Variants in BRCA2 observed in about 807,000 individuals in gnomAD.
BRCA2 encodes breast cancer type 2 susceptibility protein.
In BRCA2, 203 loss-of-function variants were observed where a neutral mutation model predicts 276.7. The ratio of observed to expected loss-of-function variants is 0.73; its 90% confidence interval spans 0.65 to 0.82. The LOEUF is 0.82. BRCA2 is among the 40% of genes least tolerant of loss of function. The probability of loss-of-function intolerance (pLI) is 0.00; values close to 1 mark genes in which losing one functional copy is unlikely to be tolerated. For synonymous variants in BRCA2, 1,289 were observed against 1,338.4 expected (o/e 0.96, Z 0.81); for missense variants, 3,920 against 3,915.0 (o/e 1.00, Z -0.03).
chr13:32,385,755 C>A, intron 24 of BRCA2: 1 of 183,956 alleles, frequency 5.4e-6, no homozygotes, highest in Non-Finnish European at 1.2e-5. Flanking sequence ...AAGCTGAAGA[C>A]ACTTTTCAAA....
At chr13:32,389,208 A>T (rs2072981176) in intron 24 of BRCA2, among the ~76,000 whole-genome samples, 1 of 152,218 alleles carries the variant, frequency 6.6e-6, no homozygotes, top group Non-Finnish European at 1.5e-5. Context: ...AAGGGATTGG[A>T]TAGTGACCAT....
At chr13:32,375,568 T>G (rs974722030) in intron 20 of BRCA2, among the ~76,000 whole-genome samples, 2 of 151,708 alleles carry the variant, frequency 1.3e-5, no homozygotes, top group African/African-American at 4.8e-5. Flanking sequence ...TGTTTCTTTT[T>G]TTTTTTTTTG....
At chr13:32,366,547 C>T (rs748332426) in intron 18 of BRCA2, among the ~76,000 whole-genome samples, 8 of 152,096 alleles carry the variant, frequency 5.3e-5, no homozygotes, top group Non-Finnish European at 1.0e-4. Flanking sequence ...GCTGGCTGGG[C>T]ACAGTGGCTC....
intron 17 of BRCA2, 67 bp from the exon 18 acceptor site, chr13:32,363,112 A>T (rs2137579195): frequency 2.3e-6 from 3 of 1,330,242 alleles, no homozygotes; most frequent in Non-Finnish European, 3.2e-6. Flanking sequence ...TTATTCAGTG[A>T]CTTGTTTAAA....
At chr13:32,370,300 AT>A in intron 18 of BRCA2, 101 bp from the exon 19 acceptor site, 1 of 1,177,434 alleles carries the variant, frequency 8.5e-7, no homozygotes, top group Admixed American at 1.9e-5. Context: ...TAAAGTGAAT[AT>A]TTTTAAGGCA....
intron 25 of BRCA2, among the ~76,000 whole-genome samples, chr13:32,395,609 C>T (rs1470739314): frequency 2.0e-5 from 3 of 152,090 alleles, no homozygotes; most frequent in African/African-American, 4.8e-5. Flanking sequence ...CTTAGGCCAT[C>T]GAATGCAGAA....
chr13:32,370,370 T>C (rs1266678591), intron 18 of BRCA2, 32 bp from the exon 19 acceptor site: 5 of 1,588,156 alleles, frequency 3.1e-6, no homozygotes, highest in Non-Finnish European at 4.3e-6. Context: ...CATATTTAAC[T>C]ACTAAATCAA....
intron 4 of BRCA2, among the ~76,000 whole-genome samples, chr13:32,325,811 A>G (rs1017528589): frequency 6.6e-6 from 1 of 152,174 alleles, no homozygotes; most frequent in Non-Finnish European, 1.5e-5. Flanking sequence ...GACTGCTGGG[A>G]TTACAGGCGT....
chr13:32,398,298 A>C lies in BRCA2; in HGVS notation c.9785A>C (p.Gln3262Pro), dbSNP rs1566261012. 3 of 1,614,200 alleles carry C rather than the reference A, an allele frequency of 1.9e-6. No homozygotes were observed. Among genetic ancestry groups the C allele is most frequent in the Non-Finnish European group, 2.5e-6 (3 of 1,180,036 alleles). ...AAAGGGGAGAAAGAGATTGATGACC[A>C]AAAGAACTGCAAAAAGAGAAGAGCC... Reference protein sequence around the residue: ...SCKGEKEIDDQKNCKKRRALD... With the variant: ...SCKGEKEIDDPKNCKKRRALD... Residue 3262 changes from glutamine to proline, a missense_variant, in exon 27 of 27, where the codon CAA becomes CCA. Transcript: ENST00000380152.
rs1555287783 is a variant in BRCA2 at position 32,371,063 on chromosome 13, A to T, written c.8595A>T (p.Leu2865Phe). ...VEAQQKRLEA[L>F]FTKIQEEFEE... is the part of the protein sequence containing the mutation. Reference sequence around the variant, plus strand: ...CCCAACAAAAGAGACTAGAAGCCTTATTCACTAAAATTCAGGAGGAATTTG... The same window carrying T: ...CCCAACAAAAGAGACTAGAAGCCTTTTTCACTAAAATTCAGGAGGAATTTG... Residue 2865 changes from leucine to phenylalanine, a missense_variant, in exon 20 of 27, where the codon TTA becomes TTT. Leu to Phe is a conservative substitution (Grantham distance 22). Coordinates refer to ENST00000380152, the MANE Select transcript of BRCA2 (RefSeq NM_000059.4). 6.2e-7 allele frequency: 1 copy of T among 1,614,166 alleles called. No individual in the cohort carries two copies. The highest frequency in any genetic ancestry group is 8.5e-7 in the Non-Finnish European group (1 of 1,179,978).
chr13:32,336,988 A>T lies in BRCA2; in HGVS notation c.2633A>T (p.Asp878Val), dbSNP rs765618026. 5.0e-6 allele frequency: 8 copies of T among 1,585,630 alleles called. No individual in the cohort carries two copies. The South Asian group carries it at 9.4e-5, about 19-fold the overall frequency. The stretch of plus-strand genomic sequence containing the variant: ...ATTTCAAAAATAACTGTCAATCCAG[A>T]CTCTGAAGAACTTTTCTCAGACAAT... ...TSISKITVNP[D>V]SEELFSDNEN... The change falls in exon 11 of 27, where the codon GAC becomes GTC. Residue 878 changes from aspartate (D) to valine (V), a missense_variant. By Grantham distance (152) the Asp-to-Val change is radical. Around this residue, in one of 2 missense-constraint regions of BRCA2, gnomAD observed 3,263 missense variants for 3,156.9 expected, o/e 1.03. Coordinates refer to ENST00000380152, the MANE Select transcript of BRCA2 (RefSeq NM_000059.4).
At position 32,338,103 on chromosome 13, in the gene BRCA2, G is replaced by GA. The variant is rs397507683; in HGVS notation, c.3751dup (p.Thr1251AsnfsTer14). On this transcript the variant is annotated frameshift_variant, in exon 11 of 27. Transcript: ENST00000380152. LOFTEE classifies it high-confidence loss of function. ...TAGTGATATTGAGAATATTAGTGAGGAAACTTCTGCAGAGGTACATCCAAT... is the reference window on the plus strand; with the variant it reads ...TAGTGATATTGAGAATATTAGTGAGGAAAACTTCTGCAGAGGTACATCCAAT... The GA allele has an allele frequency of 6.2e-7, 1 of 1,609,816 alleles. No homozygotes were observed. Among genetic ancestry groups the GA allele is most frequent in the Middle Eastern group, 1.7e-4 (1 of 6,036 alleles).
intron 13 of BRCA2, among the ~76,000 whole-genome samples, chr13:32,354,480 AAG>A (rs1273806331): frequency 2.6e-5 from 4 of 152,146 alleles, no homozygotes. Flanking sequence ...GGATAATTGA[AAG>A]AGGGGATCTC....
rs431825362 is a variant in BRCA2, at chr13:32,363,187, C to T, written c.7985C>T (p.Thr2662Met). 41 of 1,612,860 alleles carry T rather than the reference C, an allele frequency of 2.5e-5. 1 individual carries two copies. The highest frequency in any genetic ancestry group is 3.1e-5 in the Non-Finnish European group (37 of 1,179,544). The stretch of plus-strand genomic sequence containing the variant: ...TTTGTTTTCACTTTTAGATATGATA[C>T]GGAAATTGATAGAAGCAGAAGATCG... ...VLLQLKYRYD[T>M]EIDRSRRSAI... The change falls in exon 18 of 27, where the codon ACG (threonine) becomes ATG (methionine). Residue 2662 changes from threonine to methionine, a missense_variant. This residue lies in a region of BRCA2 where 3,263 missense variants were observed against 3,156.9 expected (regional missense o/e 1.03). Transcript: ENST00000380152.
rs41293481 is a variant in BRCA2, at chr13:32,337,887, A to G, written c.3532A>G (p.Ser1178Gly). 6 of 1,614,132 alleles carry G rather than the reference A, an allele frequency of 3.7e-6. No homozygotes were observed. Among genetic ancestry groups the G allele is most frequent in the Non-Finnish European group, 5.1e-6 (6 of 1,179,972 alleles). ...TGCCCCATCGATTGGTCAGGTAGAC[A>G]GCAGCAAGCAATTTGAAGGTACAGT... The part of the protein sequence containing the change: ...MNAPSIGQVD[S>G]SKQFEGTVEI... The change falls in exon 11 of 27, where the codon AGC becomes GGC. Residue 1178 changes from serine (S) to glycine (G), a missense_variant. Ser to Gly is a moderately conservative substitution (Grantham distance 56, BLOSUM62 0). Transcript: ENST00000380152.
chr13:32,356,611 T>G lies in BRCA2; in HGVS notation c.7617+2T>G, dbSNP rs81002843. The G allele has an allele frequency of 6.2e-7, 1 of 1,613,940 alleles. No homozygotes were observed. The highest frequency in any genetic ancestry group is 8.5e-7 in the Non-Finnish European group (1 of 1,179,794). On this transcript the variant is annotated splice_donor_variant, in intron 15 of 26. Transcript: ENST00000380152. LOFTEE classifies it high-confidence loss of function. ...CCCTCTGCGTGTTCTCATAAACAGG[T>G]ATGTGTTTGTCTACAATACTGATGG...
chr13:32,375,521 CAGAGA>C (rs1255928736), intron 20 of BRCA2: 1 of 258,926 alleles, frequency 3.9e-6, no homozygotes, highest in African/African-American at 2.3e-5. Context: ...CCATATCTAT[CAGAGA>C]AATCACTATG....
At chr13:32,350,263 G>C (rs1472732034) in intron 13 of BRCA2, among the ~76,000 whole-genome samples, 1 of 151,920 alleles carries the variant, frequency 6.6e-6, no homozygotes, top group Non-Finnish European at 1.5e-5. Context: ...AAACAACTTA[G>C]AAGAAACATT....
chr13:32,366,520 A>G (rs1239981149), intron 18 of BRCA2, among the ~76,000 whole-genome samples: 1 of 152,210 alleles, frequency 6.6e-6, no homozygotes, highest in Non-Finnish European at 1.5e-5. Flanking sequence ...GATCTATATT[A>G]TCTTTAAAAA....
Sources: allele counts gnomAD v4.1 joint callset (sites outside exome capture counted in the v4.1 genomes callset), GRCh38; gene constraint gnomAD v4.1.1; regional missense constraint gnomAD v4.1.1; transcripts MANE v1.5; gene names NCBI Gene and HGNC (gene_info 2026-07-23, HGNC 2026-07-21).